Variants in SLC47A2 observed in about 807,000 individuals in gnomAD.
The protein encoded by SLC47A2 is multidrug and toxin extrusion protein 2.
SLC47A2 carries 52 observed loss-of-function variants against 67.7 expected under a neutral mutation model. That is an observed-to-expected ratio of 0.77 (90% CI 0.61 to 0.97). The LOEUF is 0.97. Among genes scored for constraint, SLC47A2 ranks in the 50% least tolerant of loss-of-function variants. The pLI is 0.00. For synonymous variants in SLC47A2, 278 were observed against 292.9 expected (o/e 0.95, Z 0.52); for missense variants, 676 against 712.3 (o/e 0.95, Z 0.58).
At chr17:19,704,040 G>C (rs2085859387) in intron 11 of SLC47A2, 30 bp downstream of exon 11, 2 of 1,557,820 alleles carry the variant, frequency 1.3e-6, no homozygotes, top group African/African-American at 2.7e-5. Flanking sequence ...GCCAACGTTT[G>C]AAGGCCCACC....
intron 4 of SLC47A2, among the ~76,000 whole-genome samples, chr17:19,713,112 G>A (rs556344902): frequency 1.1e-4 from 16 of 152,276 alleles, no homozygotes; most frequent in African/African-American, 2.2e-4. Flanking sequence ...ACTATAGGCC[G>A]GGTGCGATGG....
chr17:19,694,406 T>C (rs1486933468), intron 13 of SLC47A2, among the ~76,000 whole-genome samples: 2 of 152,212 alleles, frequency 1.3e-5, no homozygotes, highest in Non-Finnish European at 2.9e-5. Flanking sequence ...ACTGTCACAA[T>C]GGCATAGCAT....
chr17:19,711,020 G>A (rs946718450), intron 5 of SLC47A2, among the ~76,000 whole-genome samples: 6 of 150,882 alleles, frequency 4.0e-5, no homozygotes, highest in African/African-American at 1.5e-4. Flanking sequence ...TATTAGTCAG[G>A]CTGGTCTCAA....
upstream of SLC47A2, chr17:19,716,598 C>T (rs764964024): frequency 6.5e-7 from 1 of 1,537,472 alleles, no homozygotes; most frequent in East Asian, 2.4e-5. Flanking sequence ...TGAGCGCCTG[C>T]ACGGCCAGCT....
chr17:19,691,093 A>C (rs573693189), intron 13 of SLC47A2, among the ~76,000 whole-genome samples: 59 of 152,006 alleles, frequency 3.9e-4, no homozygotes, highest in African/African-American at 1.4e-3. Context: ...ATTGTACTCC[A>C]GCCTGGGCAA....
rs762440053 is a variant in SLC47A2, at chr17:19,703,107, AT to A, written c.1078del (p.Ile360PhefsTer12). The A allele has an allele frequency of 6.2e-7, 1 of 1,614,178 alleles. No individual in the cohort carries two copies. The highest frequency in any genetic ancestry group is 1.1e-5 in the South Asian group (1 of 91,082). On this transcript the variant is annotated frameshift_variant, in exon 12 of 17. Coordinates refer to ENST00000433844, the MANE Select transcript of SLC47A2 (RefSeq NM_001099646.3). LOFTEE classifies it high-confidence loss of function. The stretch of plus-strand genomic sequence containing the variant: ...GATTACCTACTCATCATTGGTAAAA[AT>A]ATGCCCCAGCTGATTTTTCAGGATG... ...ISILKNQLGH[I>X]FTNDEDVIAL...
chr17:19,708,624 G>A, intron 6 of SLC47A2, 92 bp downstream of exon 6: 1 of 1,595,678 alleles, frequency 6.3e-7, no homozygotes, highest in South Asian at 1.1e-5. Context: ...TTCACAGATG[G>A]TGGAGAGAAG....
At chr17:19,691,123 A>T (rs892836195) in intron 13 of SLC47A2, among the ~76,000 whole-genome samples, 4 of 134,822 alleles carry the variant, frequency 3.0e-5, no homozygotes, top group African/African-American at 1.2e-4. Context: ...AACTCCGTCT[A>T]AAAAAAAAAA....
At chr17:19,695,511 A>AC (rs1372744859) in intron 13 of SLC47A2, among the ~76,000 whole-genome samples, 1 of 126,970 alleles carries the variant, frequency 7.9e-6, no homozygotes, top group African/African-American at 3.3e-5. Flanking sequence ...AAAAAAAAAA[A>AC]CAGCAAAAAA....
Position 19,702,652 on chromosome 17 carries a change from G to A in SLC47A2, c.1117C>T (p.Gln373Ter). The A allele has an allele frequency of 1.2e-6, 2 of 1,613,964 alleles. No homozygotes were observed. The highest frequency in any genetic ancestry group is 1.7e-6 in the Non-Finnish European group (2 of 1,179,980). Residue 373 changes from glutamine (Q) to a stop codon, truncating the protein, a stop_gained, in exon 13 of 17, where the codon CAG becomes TAG. Coordinates refer to ENST00000433844, the MANE Select transcript of SLC47A2 (RefSeq NM_001099646.3). LOFTEE classifies it high-confidence loss of function. Reference protein sequence around the residue: ...NDEDVIALVSQVLPVYSVFHV... With the variant: ...NDEDVIALVS ...AAGACACTATAAACCGGCAAGACCTGGCTCACCAGGGCAATGACATCTCTG... is the reference window on the plus strand; with the variant it reads ...AAGACACTATAAACCGGCAAGACCTAGCTCACCAGGGCAATGACATCTCTG...
upstream of SLC47A2, chr17:19,716,774 C>G (rs540311235): frequency 2.9e-5 from 19 of 647,042 alleles, no homozygotes; most frequent in East Asian, 5.5e-4. Context: ...CTAGGGAGGA[C>G]AGGTTCCTGG....
At chr17:19,701,328 T>C (rs1020958090) in intron 13 of SLC47A2, among the ~76,000 whole-genome samples, 3 of 152,182 alleles carry the variant, frequency 2.0e-5, no homozygotes, top group East Asian at 1.9e-4. Flanking sequence ...TGGCCCGAGC[T>C]TGTCGCTTTC....
intron 16 of SLC47A2, 34 bp from the exon 17 acceptor site, chr17:19,678,940 CAG>C (rs2085250898): frequency 1.9e-6 from 3 of 1,544,384 alleles, no homozygotes; most frequent in East Asian, 2.4e-5. Flanking sequence ...CTCAGCAGGT[CAG>C]GGGTCAGAGG....
chr17:19,690,530 A>G (rs577520013), intron 13 of SLC47A2, among the ~76,000 whole-genome samples: 1 of 152,308 alleles, frequency 6.6e-6, no homozygotes, highest in Non-Finnish European at 1.5e-5. Flanking sequence ...CAATCTGATG[A>G]GAGATTAATA....
chr17:19,713,644 G>C (rs763092845), intron 4 of SLC47A2, among the ~76,000 whole-genome samples, 181 bp downstream of exon 4: 2 of 152,234 alleles, frequency 1.3e-5, no homozygotes, highest in Non-Finnish European at 2.9e-5. Context: ...GTCACTGCTG[G>C]AGCCGCAGCC....
chr17:19,689,613 C>T (rs2085498026), intron 13 of SLC47A2, among the ~76,000 whole-genome samples: 1 of 151,754 alleles, frequency 6.6e-6, no homozygotes, highest in Non-Finnish European at 1.5e-5. Flanking sequence ...GAGAGGATCA[C>T]CTGAGCTCAG....
In SLC47A2 at chr17:19,678,632, G is replaced by A. The variant is rs1428233868; in HGVS notation, c.*54C>T. 6.4e-6 allele frequency: 10 copies of A among 1,568,924 alleles called. No individual in the cohort carries two copies. Among genetic ancestry groups the A allele is most frequent in the Admixed American group, 5.0e-5 (3 of 59,792 alleles). On this transcript the variant is annotated 3_prime_UTR_variant, in exon 17 of 17. Coordinates refer to ENST00000433844, the MANE Select transcript of SLC47A2 (RefSeq NM_001099646.3). ...GTGTTTTTGCAGGGCAGACCGTGGT[G>A]TGTTTGCATACTGGGGACAGCCACT...
intron 13 of SLC47A2, chr17:19,702,224 T>C (rs2085803912): frequency 1.0e-6 from 1 of 985,192 alleles, no homozygotes; most frequent in Non-Finnish European, 1.2e-6. Flanking sequence ...CGTTCCCTTG[T>C]AGAAATGTCC....
intron 9 of SLC47A2, among the ~76,000 whole-genome samples, chr17:19,705,895 G>T (rs1044628184): frequency 1.3e-5 from 2 of 152,212 alleles, no homozygotes; most frequent in Non-Finnish European, 2.9e-5. Context: ...CACTGAGCCC[G>T]GCTGATTTTG....
Sources: allele counts gnomAD v4.1 joint callset (sites outside exome capture counted in the v4.1 genomes callset), GRCh38; gene constraint gnomAD v4.1.1; transcripts MANE v1.5; gene names NCBI Gene and HGNC (gene_info 2026-07-23, HGNC 2026-07-21).